Variants in JAG1 observed in about 807,000 individuals in gnomAD.
JAG1 encodes jagged canonical Notch ligand 1.
JAG1 carries 23 observed loss-of-function variants against 148.7 expected under a neutral mutation model. That is an observed-to-expected ratio of 0.15 (90% confidence interval 0.11 to 0.22). The LOEUF is 0.22. JAG1 is among the 10% of genes least tolerant of loss of function. The pLI is 1.00. For missense variants in JAG1, 1,054 were observed against 1,611.2 expected, an observed-to-expected ratio of 0.65 and a Z score of 5.92; for synonymous variants, 572 against 598.3, an observed-to-expected ratio of 0.96 and a Z score of 0.64.
intron 2 of JAG1, among the ~76,000 whole-genome samples, chr20:10,665,473 G>A (rs2067447636): frequency 6.6e-6 from 1 of 152,302 alleles, no homozygotes; most frequent in South Asian, 2.1e-4. Context: ...CATTGCTGTT[G>A]TTACTATTTT....
intron 4 of JAG1, among the ~76,000 whole-genome samples, 173 bp from the exon 5 acceptor site, chr20:10,656,631 T>A (rs141948132): frequency 3.3e-5 from 5 of 152,258 alleles, no homozygotes; most frequent in African/African-American, 1.2e-4. Flanking sequence ...AAAACCAGCT[T>A]TAAACTTCAA....
intron 10 of JAG1, 47 bp downstream of exon 10, chr20:10,649,475 G>A (rs1462947078): frequency 5.7e-6 from 7 of 1,221,706 alleles, no homozygotes; most frequent in Admixed American, 1.7e-5. Context: ...CCAGCAAGTC[G>A]GCTACCCAAG....
At chr20:10,652,365 AAGG>A in intron 6 of JAG1, 100 bp downstream of exon 6, 1 of 1,596,812 alleles carries the variant, frequency 6.3e-7, no homozygotes. Flanking sequence ...CACAGCATTC[AAGG>A]AGAATTCAGA....
intron 13 of JAG1, among the ~76,000 whole-genome samples, chr20:10,647,645 T>C (rs954078668): frequency 6.6e-6 from 1 of 152,220 alleles, no homozygotes; most frequent in South Asian, 2.1e-4. Context: ...CTGTCTGCCG[T>C]TGCAGGAAGT....
chr20:10,664,003 C>T lies in JAG1; in HGVS notation c.399G>A (p.Thr133=), dbSNP rs763154396. The T allele has an allele frequency of 4.6e-5, 74 of 1,613,770 alleles. No homozygotes were observed. The African/African-American group carries it at 6.7e-4, about 15-fold the overall frequency. Residue 133 remains threonine, a synonymous_variant, in exon 3 of 26, where the codon ACG becomes ACA. Transcript: ENST00000254958. ...TGGAATCCCACGCCTCCACAAGCAACGTATAGGACCTCTGCAAGACAAACA... is the reference window on the plus strand; with the variant it reads ...TGGAATCCCACGCCTCCACAAGCAATGTATAGGACCTCTGCAAGACAAACA... The part of the protein sequence containing the change: ...PFSFAWPRSY[T]LLVEAWDSSN...
chr20:10,666,138 T>G (rs935265268), intron 2 of JAG1, among the ~76,000 whole-genome samples: 5 of 152,102 alleles, frequency 3.3e-5, no homozygotes, highest in Admixed American at 3.3e-4. Flanking sequence ...TAGGGTCTCC[T>G]GGGGCAGGAG....
In JAG1 at chr20:10,648,696, G is replaced by A; in HGVS notation, c.1422C>T (p.Ile474=). ...GATCGCCTGCATAGCCAGGTGGACAGATACAGCGATAACCATTAACCAAAT... is the reference window on the plus strand; with the variant it reads ...GATCGCCTGCATAGCCAGGTGGACAAATACAGCGATAACCATTAACCAAAT... ...CRDLVNGYRC[I]CPPGYAGDHC... is the part of the protein sequence containing the mutation. The change falls in exon 12 of 26, where the codon ATC becomes ATT. Residue 474 remains isoleucine (I), a synonymous_variant. Coordinates refer to ENST00000254958, the MANE Select transcript of JAG1 (RefSeq NM_000214.3). The A allele has an allele frequency of 6.2e-7, 1 of 1,614,194 alleles. No individual in the cohort carries two copies. Among genetic ancestry groups the A allele is most frequent in the Non-Finnish European group, 8.5e-7 (1 of 1,180,008 alleles).
Position 10,652,114 on chromosome 20 carries a change from C to T in JAG1, c.1006+17G>A, listed in dbSNP as rs186932006. ...AAAAATTAGACAAAGGGCTCTCATT[C>T]ATCTTGGACCACTTACCAATTTCAC... On this transcript the variant is annotated intron_variant, in intron 7 of 25. Transcript: ENST00000254958. 6.2e-7 allele frequency: 1 copy of T among 1,613,708 alleles called. No individual in the cohort carries two copies. Among genetic ancestry groups the T allele is most frequent in the East Asian group, 2.2e-5 (1 of 44,868 alleles).
chr20:10,649,483 A>G, intron 10 of JAG1, 39 bp downstream of exon 10: 1 of 1,346,612 alleles, frequency 7.4e-7, no homozygotes, highest in South Asian at 1.2e-5. Flanking sequence ...TCGGCTACCC[A>G]AGTTTCATGA....
At chr20:10,659,220 A>C (rs1230434378) in intron 3 of JAG1, among the ~76,000 whole-genome samples, 2 of 152,228 alleles carry the variant, frequency 1.3e-5, no homozygotes, top group Non-Finnish European at 2.9e-5. Flanking sequence ...CTTCTAATCT[A>C]TGCCTGATAG....
In JAG1 at chr20:10,643,853, C is replaced by T. The variant is rs987799112; in HGVS notation, c.2383G>A (p.Gly795Ser). The change falls in exon 20 of 26, where the codon GGC becomes AGC. Residue 795 changes from glycine to serine, a missense_variant. By Grantham distance (56) the Gly-to-Ser change is moderately conservative. This residue lies in a region of JAG1 where 342 missense variants were observed against 514.6 expected (regional missense o/e 0.66). Coordinates refer to ENST00000254958, the MANE Select transcript of JAG1 (RefSeq NM_000214.3). ...DCSPHPCYNSGTCVDGDNWYR... is the reference protein window; with the variant it reads ...DCSPHPCYNSSTCVDGDNWYR... ...CAGTTGTCTCCATCCACACAGGTGC[C>T]GCTGTTGTAACTAAGAAAGCAAAGA... 1.2e-6 allele frequency: 2 copies of T among 1,613,812 alleles called. No individual in the cohort carries two copies. The highest frequency in any genetic ancestry group is 1.7e-6 in the Non-Finnish European group (2 of 1,179,920).
Position 10,649,555 on chromosome 20 carries a change from G to GACAGTC in JAG1, c.1309_1314dup (p.Asp437_Cys438dup). ...CAATTCTGACCCATCCAGCCGGGAA[G>GACAGTC]ACAGTCGCAGTAGTAGCTGGCAATG... On this transcript the variant is annotated inframe_insertion, in exon 10 of 26. Transcript: ENST00000254958. 6.2e-7 allele frequency: 1 copy of GACAGTC among 1,613,020 alleles called. No individual in the cohort carries two copies. Among genetic ancestry groups the GACAGTC allele is most frequent in the Non-Finnish European group, 8.5e-7 (1 of 1,178,964 alleles).
chr20:10,644,302 A>T, intron 19 of JAG1, 55 bp downstream of exon 19: 1 of 1,345,520 alleles, frequency 7.4e-7, no homozygotes, highest in East Asian at 2.3e-5. Flanking sequence ...ACACACACAC[A>T]CACACACACA....
chr20:10,642,793 A>G (rs1207215537), intron 20 of JAG1, among the ~76,000 whole-genome samples, 192 bp from the exon 21 acceptor site: 3 of 152,194 alleles, frequency 2.0e-5, no homozygotes, highest in South Asian at 2.1e-4. Flanking sequence ...AAAGACCACC[A>G]CCATCCTGAG....
chr20:10,659,351 T>C (rs1169436135), intron 3 of JAG1, among the ~76,000 whole-genome samples: 1 of 152,224 alleles, frequency 6.6e-6, no homozygotes, highest in Non-Finnish European at 1.5e-5. Flanking sequence ...CTCTGCCAAC[T>C]TTTCTATTAC....
chr20:10,644,276 T>TCACACACACACACACACACACACA (rs33967297), intron 19 of JAG1, 81 bp downstream of exon 19: 6 of 884,292 alleles, frequency 6.8e-6, no homozygotes, highest in East Asian at 5.2e-5. Context: ...TGGGTGATTC[T>TCACACACACACACACACACACACA]CACACACACA....
At chr20:10,667,775 AC>A in intron 2 of JAG1, among the ~76,000 whole-genome samples, 1 of 151,822 alleles carries the variant, frequency 6.6e-6, no homozygotes, top group South Asian at 2.1e-4. Flanking sequence ...AGACATCCCC[AC>A]CCCCTTTCCC....
intron 12 of JAG1, 59 bp from the exon 13 acceptor site, chr20:10,648,169 G>C (rs943682256): frequency 6.3e-7 from 1 of 1,599,464 alleles, no homozygotes; most frequent in South Asian, 1.1e-5. Context: ...AAGGTGTCAC[G>C]ATAACTTCTC....
At position 10,638,859 on chromosome 20, in the gene JAG1, TAATA is replaced by T. The variant is rs1204266823; in HGVS notation, c.*635_*638del. ...GTTTTAAGGCTCTTGATTATTAAGT[TAATA>T]AATCAAATATACACAGTGATTAATA... On this transcript the variant is annotated 3_prime_UTR_variant, in exon 26 of 26. Coordinates refer to ENST00000254958, the MANE Select transcript of JAG1 (RefSeq NM_000214.3). The T allele has an allele frequency of 3.9e-5, 6 of 153,066 alleles. No individual in the cohort carries two copies. The highest frequency in any genetic ancestry group is 1.9e-4 in the East Asian group (1 of 5,204). The allele number at this position is 153,066 out of a possible 1,614,324, so 9.5% of individuals were successfully genotyped here. A position where few individuals can be genotyped will look rare whatever the true frequency, so the allele number is the denominator to read the frequency against.
Sources: gnomAD v4.1 joint callset for allele counts (sites outside exome capture counted in the v4.1 genomes callset) on GRCh38, gnomAD v4.1.1 for gene constraint, gnomAD v4.1.1 regional missense constraint, MANE v1.5 for transcripts, NCBI Gene and HGNC (gene_info 2026-07-23, HGNC 2026-07-21) for gene names.